HACE1: variants seen among roughly 807,000 people sequenced by gnomAD.
HACE1 encodes the protein E3 ubiquitin-protein ligase HACE1.
A neutral mutation model predicts 118.4 loss-of-function variants in HACE1; 73 were observed. The ratio of observed to expected loss-of-function variants is 0.62; its 90% CI spans 0.51 to 0.75. HACE1 has a LOEUF of 0.75. Among genes scored for constraint, HACE1 ranks in the 30% least tolerant of loss-of-function variants. The pLI is 0.00. For missense variants in HACE1, 749 were observed against 1,102.2 expected (o/e 0.68, Z 4.54); for synonymous variants, 368 against 374.8 (o/e 0.98, Z 0.21).
intron 19 of HACE1, among the ~76,000 whole-genome samples, chr6:104,758,032 G>C (rs1778910216): frequency 6.6e-6 from 1 of 152,188 alleles, no homozygotes; most frequent in Non-Finnish European, 1.5e-5. Context: ...AAGCCTCCAA[G>C]AAATATGGGA....
chr6:104,798,351 G>C (rs1303397543), intron 7 of HACE1, among the ~76,000 whole-genome samples: 1 of 151,678 alleles, frequency 6.6e-6, no homozygotes, highest in Non-Finnish European at 1.5e-5. Flanking sequence ...TTCACAAAAC[G>C]GCACTGTATG....
chr6:104,807,226 G>T (rs921790607), intron 7 of HACE1, among the ~76,000 whole-genome samples: 2 of 151,996 alleles, frequency 1.3e-5, no homozygotes, highest in African/African-American at 2.4e-5. Flanking sequence ...GTTTCACCAT[G>T]TTGGCCAGGA....
intron 19 of HACE1, among the ~76,000 whole-genome samples, chr6:104,752,677 T>A (rs1778190361): frequency 6.6e-6 from 1 of 152,118 alleles, no homozygotes; most frequent in Non-Finnish European, 1.5e-5. Flanking sequence ...TCCATATCTA[T>A]CAGAATAGTA....
intron 7 of HACE1, among the ~76,000 whole-genome samples, chr6:104,807,179 A>G (rs950438183): frequency 6.6e-6 from 1 of 151,972 alleles, no homozygotes; most frequent in South Asian, 2.1e-4. Context: ...GTGCGCCACA[A>G]TGCCCAGCTA....
At chr6:104,844,977 T>C (rs1163602348) in intron 4 of HACE1, among the ~76,000 whole-genome samples, 1 of 152,080 alleles carries the variant, frequency 6.6e-6, no homozygotes, top group African/African-American at 2.4e-5. Flanking sequence ...ATCACAACCA[T>C]TTTTAAGTGT....
chr6:104,799,307 T>G (rs916848758), intron 7 of HACE1, among the ~76,000 whole-genome samples: 4 of 152,216 alleles, frequency 2.6e-5, no homozygotes, highest in African/African-American at 4.8e-5. Context: ...GCAGTTTCAA[T>G]GAATCAGACA....
intron 1 of HACE1, among the ~76,000 whole-genome samples, chr6:104,856,377 A>T (rs558861491): frequency 1.3e-5 from 2 of 152,220 alleles, no homozygotes; most frequent in Admixed American, 1.3e-4. Context: ...AACAAACTGC[A>T]TTCACTATAT....
chr6:104,743,192 T>C (rs966341868), intron 22 of HACE1, among the ~76,000 whole-genome samples: 2 of 146,312 alleles, frequency 1.4e-5, no homozygotes, highest in Non-Finnish European at 3.0e-5. Context: ...GGGATAGCAT[T>C]GGGAGATATA....
At chr6:104,742,275 C>G (rs1312009888) in intron 22 of HACE1, among the ~76,000 whole-genome samples, 1 of 137,760 alleles carries the variant, frequency 7.3e-6, no homozygotes, top group Non-Finnish European at 1.5e-5. Context: ...TCTAAAACAC[C>G]AAAAGCAATG....
chr6:104,744,685 C>A, intron 20 of HACE1, 75 bp from the exon 21 acceptor site: 1 of 856,158 alleles, frequency 1.2e-6, no homozygotes, highest in Non-Finnish European at 2.0e-6. Context: ...GGTAAATTTG[C>A]CATAATTAGA....
chr6:104,747,535 A>G (rs918808255), intron 20 of HACE1, among the ~76,000 whole-genome samples: 3 of 151,952 alleles, frequency 2.0e-5, no homozygotes, highest in African/African-American at 7.2e-5. Context: ...TATGAAAGAC[A>G]CAAAGTCACA....
intron 1 of HACE1, 169 bp downstream of exon 1, chr6:104,859,398 G>A: frequency 1.8e-6 from 1 of 556,220 alleles, no homozygotes; most frequent in East Asian, 3.5e-5. Flanking sequence ...TGGGAGCGTC[G>A]GGCCAGGGGA....
chr6:104,790,620 G>A (rs1375803599), intron 11 of HACE1, among the ~76,000 whole-genome samples: 4 of 152,128 alleles, frequency 2.6e-5, no homozygotes, highest in Non-Finnish European at 1.5e-5. Flanking sequence ...CAGGTATGGT[G>A]GCATGCACCT....
intron 7 of HACE1, among the ~76,000 whole-genome samples, chr6:104,799,696 A>C (rs1277742776): frequency 1.3e-5 from 2 of 152,188 alleles, no homozygotes; most frequent in Non-Finnish European, 1.5e-5. Context: ...CTAGCAAGAT[A>C]AACAGAGATT....
intron 6 of HACE1, among the ~76,000 whole-genome samples, chr6:104,811,846 C>T (rs942897988): frequency 2.0e-5 from 3 of 151,970 alleles, no homozygotes; most frequent in Non-Finnish European, 2.9e-5. Context: ...CAGAATTTTT[C>T]ACCTCTAAAA....
intron 19 of HACE1, among the ~76,000 whole-genome samples, chr6:104,757,035 C>T (rs1387626568): frequency 6.6e-6 from 1 of 152,144 alleles, no homozygotes; most frequent in African/African-American, 2.4e-5. Context: ...AGGTTCTCTG[C>T]TCACAGTATA....
At chr6:104,830,636 A>G (rs1562466680) in intron 6 of HACE1, among the ~76,000 whole-genome samples, 1 of 152,186 alleles carries the variant, frequency 6.6e-6, no homozygotes, top group East Asian at 1.9e-4. Flanking sequence ...CCAACAAGAG[A>G]TAAGACTCAG....
chr6:104,778,514 G>A (rs1035709322), intron 14 of HACE1, among the ~76,000 whole-genome samples: 2 of 152,110 alleles, frequency 1.3e-5, no homozygotes, highest in African/African-American at 4.8e-5. Flanking sequence ...AAGAGAAGAG[G>A]CTGGGTATGG....
intron 14 of HACE1, among the ~76,000 whole-genome samples, chr6:104,780,835 C>T (rs1294351890): frequency 2.6e-5 from 4 of 152,164 alleles, no homozygotes; most frequent in Non-Finnish European, 5.9e-5. Context: ...CTCCTTCACT[C>T]TGGTACATTT....
Sources: allele counts gnomAD v4.1 joint callset (sites outside exome capture counted in the v4.1 genomes callset), GRCh38; gene constraint gnomAD v4.1.1; transcripts MANE v1.5; gene names NCBI Gene and HGNC (gene_info 2026-07-23, HGNC 2026-07-21).